SLMAP: variants seen among roughly 807,000 people sequenced by gnomAD.
The protein encoded by SLMAP is sarcolemma associated protein.
In SLMAP, 44 loss-of-function variants were observed where a neutral mutation model predicts 128.8. The observed-to-expected ratio is 0.34, with a 90% CI of 0.27 to 0.44. SLMAP has a LOEUF of 0.44. Ranked by LOEUF, SLMAP falls within the 20% of genes least tolerant of loss-of-function variation. The probability of loss-of-function intolerance (pLI) is 1.00; values close to 1 mark genes in which losing one functional copy is unlikely to be tolerated. For missense variants in SLMAP, 787 were observed against 985.3 expected (o/e 0.80, Z 2.69); for synonymous variants, 327 against 348.8 (o/e 0.94, Z 0.70).
At chr3:57,793,696 C>T (rs184833947) in intron 2 of SLMAP, among the ~76,000 whole-genome samples, 2 of 152,180 alleles carry the variant, frequency 1.3e-5, no homozygotes, top group East Asian at 3.9e-4. Context: ...CCCATATCTC[C>T]TTCAGTTTTA....
chr3:57,781,003 CAT>C (rs150701349), intron 2 of SLMAP, among the ~76,000 whole-genome samples: 26,589 of 150,800 alleles, frequency 0.18, 2,654 homozygotes, highest in East Asian at 0.43. Context: ...TATGTATGCA[CAT>C]ATATATATAC....
chr3:57,869,059 A>G (rs1262925542), intron 13 of SLMAP, among the ~76,000 whole-genome samples: 1 of 138,740 alleles, frequency 7.2e-6, no homozygotes, highest in Non-Finnish European at 1.5e-5. Context: ...TATATTATAT[A>G]TATAAAGGGG....
intron 2 of SLMAP, among the ~76,000 whole-genome samples, chr3:57,825,496 TTTTC>T (rs1210822962): frequency 6.7e-6 from 1 of 149,988 alleles, no homozygotes; most frequent in African/African-American, 2.4e-5. Flanking sequence ...TGATTGTGTG[TTTTC>T]TTTTTTTTTT....
intron 14 of SLMAP, among the ~76,000 whole-genome samples, chr3:57,887,477 G>A (rs897995032): frequency 6.6e-6 from 1 of 152,114 alleles, no homozygotes; most frequent in African/African-American, 2.4e-5. Context: ...CTCCCAAAGT[G>A]CTGGCATTAC....
At chr3:57,783,884 CT>C (rs1559971838) in intron 2 of SLMAP, among the ~76,000 whole-genome samples, 1 of 152,122 alleles carries the variant, frequency 6.6e-6, no homozygotes, top group Admixed American at 6.5e-5. Context: ...AGGGCTGCCC[CT>C]ATCTCTGTTC....
chr3:57,926,958 A>T (rs1210582322), intron 24 of SLMAP, among the ~76,000 whole-genome samples: 2 of 152,228 alleles, frequency 1.3e-5, no homozygotes, highest in African/African-American at 4.8e-5. Context: ...TACATCAGTT[A>T]TATTGGAATA....
intron 14 of SLMAP, among the ~76,000 whole-genome samples, chr3:57,878,208 A>G (rs547826264): frequency 6.6e-6 from 1 of 152,146 alleles, no homozygotes; most frequent in Non-Finnish European, 1.5e-5. Flanking sequence ...AACATCTTCT[A>G]TAGCAAGAGT....
chr3:57,786,812 C>T (rs561752268), intron 2 of SLMAP, among the ~76,000 whole-genome samples: 5 of 149,998 alleles, frequency 3.3e-5, no homozygotes, highest in Non-Finnish European at 7.4e-5. Context: ...CGGCTCACTG[C>T]AAGCTCCGCC....
At chr3:57,834,691 A>G (rs1018611235) in intron 3 of SLMAP, among the ~76,000 whole-genome samples, 1 of 152,148 alleles carries the variant, frequency 6.6e-6, no homozygotes, top group African/African-American at 2.4e-5. Flanking sequence ...AATTCCAAAC[A>G]TAAAGATGGA....
At chr3:57,901,697 G>A (rs2096383760) in intron 17 of SLMAP, 1 of 152,258 alleles carries the variant, frequency 6.6e-6, no homozygotes, top group African/African-American at 2.4e-5. Flanking sequence ...GGGAAAAAAA[G>A]GAAAGGGGAT....
chr3:57,766,569 AG>A (rs1243427113), intron 2 of SLMAP, among the ~76,000 whole-genome samples: 1 of 152,222 alleles, frequency 6.6e-6, no homozygotes, highest in Non-Finnish European at 1.5e-5. Context: ...GACACTATAT[AG>A]GTAGATAAAT....
chr3:57,800,895 C>CT (rs2088136578), intron 2 of SLMAP: 2 of 193,902 alleles, frequency 1.0e-5, no homozygotes, highest in East Asian at 2.6e-4. Context: ...ACAGGCCAAG[C>CT]CAATACCAGC....
chr3:57,804,591 A>G (rs746162027), intron 2 of SLMAP, among the ~76,000 whole-genome samples: 14 of 152,016 alleles, frequency 9.2e-5, no homozygotes, highest in Non-Finnish European at 2.1e-4. Context: ...AAAAAATACA[A>G]AAGATTAGCT....
At chr3:57,886,468 G>A (rs996325200) in intron 14 of SLMAP, among the ~76,000 whole-genome samples, 4 of 151,910 alleles carry the variant, frequency 2.6e-5, no homozygotes, top group South Asian at 2.1e-4. Context: ...GGAGCAAAAT[G>A]CAAATAGAAT....
intron 20 of SLMAP, among the ~76,000 whole-genome samples, 159 bp from the exon 21 acceptor site, chr3:57,912,999 C>T (rs564467309): frequency 1.3e-5 from 2 of 152,244 alleles, no homozygotes; most frequent in African/African-American, 4.8e-5. Context: ...TTGAGGTATA[C>T]ATGCAAAGTA....
intron 2 of SLMAP, 63 bp downstream of exon 2, chr3:57,757,912 C>T (rs201466348): frequency 1.0e-4 from 145 of 1,413,060 alleles, no homozygotes; most frequent in Non-Finnish European, 1.3e-4. Flanking sequence ...TTTGCCCTCC[C>T]TGAGAGGACT....
intron 2 of SLMAP, among the ~76,000 whole-genome samples, chr3:57,805,116 A>G (rs2089539129): frequency 6.6e-6 from 1 of 152,002 alleles, no homozygotes; most frequent in Non-Finnish European, 1.5e-5. Flanking sequence ...GGCCTCTTGG[A>G]TGGTACTTTT....
chr3:57,775,509 CAAAAAAAAAAAAAAAAA>C (rs1009755128), intron 2 of SLMAP, among the ~76,000 whole-genome samples: 3 of 21,180 alleles, frequency 1.4e-4, no homozygotes, highest in East Asian at 1.5e-3. Flanking sequence ...CCTGTTGGTA[CAAAAAAAAAAAAAAAAA>C]AAAAAAAAAA....
At position 57,879,041 on chromosome 3, in the gene SLMAP, C is replaced by T. The variant is rs187774589; in HGVS notation, c.1300+7343C>T. Among the ~76,000 whole-genome samples the T allele has an allele frequency of 4.6e-3, 706 of 152,242 alleles. 7 individuals are homozygous for T. The highest frequency in any genetic ancestry group is 7.8e-3 in the Non-Finnish European group (532 of 68,008). The stretch of plus-strand genomic sequence containing the variant: ...TCAAGTAAGGAAAATGGCTTTTTAG[C>T]TTTAAGAACTCAATCCAATCTTGGC... On this transcript the variant is annotated intron_variant, in intron 14 of 24. Coordinates refer to ENST00000671191, the MANE Select transcript of SLMAP (RefSeq NM_001377540.1).
Sources: allele counts gnomAD v4.1 joint callset (sites outside exome capture counted in the v4.1 genomes callset), GRCh38; gene constraint gnomAD v4.1.1; transcripts MANE v1.5; gene names NCBI Gene and HGNC (gene_info 2026-07-23, HGNC 2026-07-21).